MTMR3: variants seen among roughly 807,000 people sequenced by gnomAD.
MTMR3 encodes phosphatidylinositol-3,5-bisphosphate 3-phosphatase MTMR3.
MTMR3 carries 32 observed loss-of-function variants against 132.4 expected under a neutral mutation model. The ratio of observed to expected loss-of-function variants is 0.24; its 90% CI spans 0.18 to 0.32. The LOEUF (loss-of-function observed/expected upper bound fraction) is 0.32. Ranked by LOEUF, MTMR3 falls within the 10% of genes least tolerant of loss-of-function variation. The pLI, the probability that MTMR3 is intolerant of heterozygous loss-of-function variation, is 1.00. For synonymous variants in MTMR3, 556 were observed against 550.3 expected (o/e 1.01, Z -0.14); for missense variants, 1,216 against 1,489.6 (o/e 0.82, Z 3.02).
chr22:29,895,248 G>A (rs2064871793), intron 1 of MTMR3, among the ~76,000 whole-genome samples: 1 of 152,084 alleles, frequency 6.6e-6, no homozygotes, highest in Non-Finnish European at 1.5e-5. Flanking sequence ...ATAAATGTAG[G>A]TACTGTTAGG....
chr22:29,954,057 G>GTATTTT (rs753326368), intron 1 of MTMR3, among the ~76,000 whole-genome samples: 2 of 49,090 alleles, frequency 4.1e-5, no homozygotes, highest in African/African-American at 1.8e-4. Flanking sequence ...TTTCAAATGA[G>GTATTTT]TCTTTTTTTT....
intron 5 of MTMR3, chr22:29,988,172 A>G (rs2066894049): frequency 5.4e-6 from 1 of 186,274 alleles, no homozygotes; most frequent in Admixed American, 5.8e-5. Flanking sequence ...ATAGCATCTA[A>G]AAGTAGTACT....
intron 1 of MTMR3, among the ~76,000 whole-genome samples, chr22:29,896,734 CATTT>C (rs1396670936): frequency 1.3e-5 from 2 of 150,746 alleles, no homozygotes; most frequent in South Asian, 2.1e-4. Context: ...ATAACATAAC[CATTT>C]ATTTAAGAGT....
chr22:29,942,343 TCA>T (rs1351209620), intron 1 of MTMR3, among the ~76,000 whole-genome samples: 1 of 152,104 alleles, frequency 6.6e-6, no homozygotes, highest in African/African-American at 2.4e-5. Context: ...TTCATTTGCT[TCA>T]CAAGGTAATA....
chr22:29,961,887 A>G (rs1247194194), intron 2 of MTMR3, among the ~76,000 whole-genome samples: 1 of 152,250 alleles, frequency 6.6e-6, no homozygotes, highest in African/African-American at 2.4e-5. Flanking sequence ...ATATACAAAT[A>G]GGGAGCACTG....
intron 1 of MTMR3, among the ~76,000 whole-genome samples, chr22:29,905,385 T>A (rs1249660336): frequency 1.3e-5 from 2 of 152,202 alleles, no homozygotes; most frequent in South Asian, 4.1e-4. Flanking sequence ...GACAACTGTG[T>A]AAATAAAAGG....
At chr22:30,024,968 T>C (rs761795949) in intron 19 of MTMR3, 1 of 152,886 alleles carries the variant, frequency 6.5e-6, no homozygotes, top group Non-Finnish European at 1.5e-5. Flanking sequence ...GAGTGAGCCA[T>C]AATTGACTGA....
At chr22:29,937,964 A>G (rs954554408) in intron 1 of MTMR3, among the ~76,000 whole-genome samples, 2 of 152,198 alleles carry the variant, frequency 1.3e-5, no homozygotes, top group Non-Finnish European at 2.9e-5. Context: ...GCAATTTTAC[A>G]TGACTAGCAT....
intron 1 of MTMR3, among the ~76,000 whole-genome samples, chr22:29,936,470 A>G (rs2065752592): frequency 6.6e-6 from 1 of 152,146 alleles, no homozygotes; most frequent in Admixed American, 6.6e-5. Flanking sequence ...TTTTTCCTGT[A>G]CTAGATGCCA....
chr22:29,966,726 C>CGTGCGT (rs1484648091), intron 2 of MTMR3, among the ~76,000 whole-genome samples: 23 of 142,970 alleles, frequency 1.6e-4, no homozygotes, highest in African/African-American at 5.4e-4. Context: ...TAGGGGTGTG[C>CGTGCGT]GTGTGTGTGT....
At chr22:29,905,331 G>A (rs530940648) in intron 1 of MTMR3, among the ~76,000 whole-genome samples, 3 of 152,236 alleles carry the variant, frequency 2.0e-5, no homozygotes, top group South Asian at 4.1e-4. Context: ...AAAGAAATCC[G>A]CACATGAGTG....
chr22:29,949,135 ACACACACACCCCCCCCCCC>A (rs916357389), intron 1 of MTMR3, among the ~76,000 whole-genome samples: 2 of 31,226 alleles, frequency 6.4e-5, no homozygotes, highest in Non-Finnish European at 1.1e-4. Flanking sequence ...ACACACACAC[ACACACACACCCCCCCCCCC>A]CCCCCCGAGG....
At chr22:29,920,349 C>A (rs2065386913) in intron 1 of MTMR3, among the ~76,000 whole-genome samples, 1 of 152,112 alleles carries the variant, frequency 6.6e-6, no homozygotes, top group Non-Finnish European at 1.5e-5. Context: ...TTAAATGACT[C>A]ATTTCTGCTA....
Position 29,998,755 on chromosome 22 carries a change from C to T in MTMR3, c.461-6C>T, listed in dbSNP as rs1309038767. On this transcript the variant is annotated splice_polypyrimidine_tract_variant and splice_region_variant and intron_variant, in intron 7 of 19. Transcript: ENST00000401950. The stretch of plus-strand genomic sequence containing the variant: ...TTCCTTTCTGCTGTTTATCTTTGGC[C>T]TCTAGGGGAGCATGTAACTTCAAGG... The T allele has an allele frequency of 2.5e-6, 4 of 1,609,796 alleles. No individual in the cohort carries two copies. Among genetic ancestry groups the T allele is most frequent in the Non-Finnish European group, 3.4e-6 (4 of 1,177,860 alleles).
chr22:29,923,041 A>AAT (rs1555897660), intron 1 of MTMR3, among the ~76,000 whole-genome samples: 5 of 129,962 alleles, frequency 3.8e-5, no homozygotes, highest in African/African-American at 1.4e-4. Context: ...CATCCAGCCA[A>AAT]TTTTTTTTTT....
chr22:29,924,858 A>G (rs1323559728), intron 1 of MTMR3, among the ~76,000 whole-genome samples: 5 of 151,664 alleles, frequency 3.3e-5, no homozygotes, highest in Non-Finnish European at 7.4e-5. Flanking sequence ...TGGCTTGTTC[A>G]TTGTTAGTGT....
chr22:29,958,173 C>G (rs1348377950), intron 2 of MTMR3, among the ~76,000 whole-genome samples: 1 of 152,114 alleles, frequency 6.6e-6, no homozygotes, highest in Non-Finnish European at 1.5e-5. Context: ...GCTACTAAAC[C>G]TTGTCCTTTT....
chr22:30,003,134 T>TA (rs2067208545), intron 9 of MTMR3, 141 bp downstream of exon 9: 1 of 611,172 alleles, frequency 1.6e-6, no homozygotes, highest in South Asian at 2.0e-5. Context: ...TCCTTATTGT[T>TA]AAAGCTTCTC....
chr22:29,965,369 G>A (rs368114437), intron 2 of MTMR3, among the ~76,000 whole-genome samples: 4 of 152,120 alleles, frequency 2.6e-5, no homozygotes, highest in Admixed American at 2.6e-4. Flanking sequence ...ATGCCGAGTG[G>A]CAAATCTTTG....
Sources: allele counts gnomAD v4.1 joint callset (sites outside exome capture counted in the v4.1 genomes callset), GRCh38; gene constraint gnomAD v4.1.1; transcripts MANE v1.5; gene names NCBI Gene and HGNC (gene_info 2026-07-23, HGNC 2026-07-21).